Variants in MAP3K7 observed in about 807,000 individuals in gnomAD.
MAP3K7 encodes TGF-beta activated kinase 1.
Under a neutral mutation model 84.8 loss-of-function variants are expected in MAP3K7, and 21 were observed. That is an observed-to-expected ratio of 0.25 (90% CI 0.18 to 0.36). The LOEUF is 0.36. Ranked by LOEUF, MAP3K7 falls within the 10% of genes least tolerant of loss-of-function variation. The pLI, the probability that MAP3K7 is intolerant of heterozygous loss-of-function variation, is 1.00. For missense variants in MAP3K7, 503 were observed against 747.7 expected (o/e 0.67, Z 3.82); for synonymous variants, 241 against 247.7 (o/e 0.97, Z 0.25).
At position 90,560,218 on chromosome 6, in the gene MAP3K7, C is replaced by T. The variant is rs374816197; in HGVS notation, c.344-4G>A. On this transcript the variant is annotated splice_region_variant and splice_polypyrimidine_tract_variant and intron_variant, in intron 4 of 16. Transcript: ENST00000369329. Reference sequence around the variant, plus strand: ...AATGGTTCAGCACCATGCAGCACTGCGAAAGAAAGGCACAAACTAAAAAGA... The same window carrying T: ...AATGGTTCAGCACCATGCAGCACTGTGAAAGAAAGGCACAAACTAAAAAGA... 23 of 1,613,116 alleles carry T rather than the reference C, an allele frequency of 1.4e-5. No homozygotes were observed. Among genetic ancestry groups the T allele is most frequent in the South Asian group, 1.2e-4 (11 of 90,898 alleles).
chr6:90,561,732 G>T, intron 3 of MAP3K7, 65 bp from the exon 4 acceptor site: 1 of 1,095,288 alleles, frequency 9.1e-7, no homozygotes, highest in Non-Finnish European at 1.4e-6. Context: ...CTTTGAGAGA[G>T]AATTTAATTC....
Position 90,536,414 on chromosome 6 carries a change from G to GA in MAP3K7, c.1292-14dup. On this transcript the variant is annotated splice_polypyrimidine_tract_variant and intron_variant, in intron 12 of 16. Transcript: ENST00000369329. ...GGCTGTCCGTTGCCTTTAAAAAGAA[G>GA]AAAAAAAGTAAAATACTAAAATCTA... 6.2e-7 allele frequency: 1 copy of GA among 1,601,904 alleles called. No homozygotes were observed. Among genetic ancestry groups the GA allele is most frequent in the Non-Finnish European group, 8.5e-7 (1 of 1,171,528 alleles).
intron 5 of MAP3K7, among the ~76,000 whole-genome samples, chr6:90,558,278 C>A (rs938563561): frequency 1.3e-5 from 2 of 151,848 alleles, no homozygotes; most frequent in Non-Finnish European, 2.9e-5. Flanking sequence ...GCTGAGATTG[C>A]GCCACTGCAC....
intron 15 of MAP3K7, 36 bp from the exon 16 acceptor site, chr6:90,518,598 T>A: frequency 9.3e-7 from 1 of 1,080,412 alleles, no homozygotes; most frequent in Non-Finnish European, 1.4e-6. Context: ...CATAATTAAA[T>A]CAAATTTCAA....
intron 13 of MAP3K7, among the ~76,000 whole-genome samples, chr6:90,531,347 C>A (rs1446453114): frequency 7.2e-5 from 11 of 152,130 alleles, no homozygotes. Context: ...CCTCAGAAAT[C>A]TTAGTAGCTA....
At chr6:90,560,322 A>G (rs1776467989) in intron 4 of MAP3K7, 108 bp from the exon 5 acceptor site, 10 of 1,091,558 alleles carry the variant, frequency 9.2e-6, no homozygotes, top group Non-Finnish European at 1.3e-5. Context: ...TTCTACATAT[A>G]CATATGCTCC....
Position 90,523,828 on chromosome 6 carries a change from T to TA in MAP3K7, c.1357-46dup, listed in dbSNP as rs760269241. 61 of 1,160,136 alleles carry TA rather than the reference T, an allele frequency of 5.3e-5. No homozygotes were observed. In the Middle Eastern group the frequency reaches 5.8e-4, roughly 11 times the overall value. The allele number at this position is 1,160,136 out of a possible 1,614,324, so 71.9% of individuals were successfully genotyped here. On this transcript the variant is annotated intron_variant, in intron 13 of 16. Transcript: ENST00000369329. ...GAGAAACAAAATGTGATTTTTTGAT[T>TA]AAAAAAAATGACGAGAACGTTTCCA...
chr6:90,565,992 G>C (rs894751119), intron 3 of MAP3K7, among the ~76,000 whole-genome samples: 3 of 152,114 alleles, frequency 2.0e-5, no homozygotes, highest in Non-Finnish European at 4.4e-5. Context: ...ATGCAGAAAA[G>C]GGCTTTGACA....
In MAP3K7 at chr6:90,556,579, A is replaced by C; in HGVS notation, c.528T>G (p.Phe176Leu). Residue 176 changes from phenylalanine to leucine, a missense_variant, in exon 6 of 17, where the codon TTT (phenylalanine) becomes TTG (leucine). Phe to Leu is a conservative substitution (Grantham distance 22, BLOSUM62 0). Transcript: ENST00000369329. The stretch of plus-strand genomic sequence containing the variant: ...GTGTCTGAATGTCACAGGCTGTACC[A>C]AAATCACAAATTTTTAGAACTGTCC... ...AGGTVLKICD[F>L]GTACDIQTHM... The C allele has an allele frequency of 6.2e-7, 1 of 1,613,208 alleles. No individual in the cohort carries two copies. The highest frequency in any genetic ancestry group is 8.5e-7 in the Non-Finnish European group (1 of 1,179,586).
At chr6:90,570,116 A>AT (rs1776852079) in intron 2 of MAP3K7, among the ~76,000 whole-genome samples, 1 of 152,128 alleles carries the variant, frequency 6.6e-6, no homozygotes, top group Non-Finnish European at 1.5e-5. Flanking sequence ...TTATACAAGC[A>AT]TTTTTTCCTC....
chr6:90,564,040 G>A (rs957666778), intron 3 of MAP3K7, among the ~76,000 whole-genome samples: 16 of 152,132 alleles, frequency 1.1e-4, no homozygotes, highest in African/African-American at 3.9e-4. Context: ...TCACTACCAG[G>A]CCTGCTGAAC....
chr6:90,581,994 C>T (rs1226885073), intron 1 of MAP3K7, among the ~76,000 whole-genome samples: 1 of 152,180 alleles, frequency 6.6e-6, no homozygotes, highest in Non-Finnish European at 1.5e-5. Context: ...TATACAAATG[C>T]TGCAGTAATT....
chr6:90,556,373 G>C, intron 6 of MAP3K7, 127 bp downstream of exon 6: 2 of 949,120 alleles, frequency 2.1e-6, no homozygotes, highest in Non-Finnish European at 1.5e-6. Context: ...TATCCCCTTA[G>C]ATTTCATTGT....
intron 13 of MAP3K7, among the ~76,000 whole-genome samples, chr6:90,529,776 C>G (rs1775443424): frequency 1.3e-5 from 2 of 152,110 alleles, no homozygotes. Context: ...AAGTTTTACT[C>G]CTCTTCAAAA....
chr6:90,539,116 A>C (rs887185390), intron 12 of MAP3K7, among the ~76,000 whole-genome samples: 4 of 151,930 alleles, frequency 2.6e-5, no homozygotes, highest in Admixed American at 2.6e-4. Context: ...TGAACATGTA[A>C]TTTTAAAATA....
chr6:90,575,662 C>T (rs1427622874), intron 1 of MAP3K7, among the ~76,000 whole-genome samples: 1 of 151,996 alleles, frequency 6.6e-6, no homozygotes, highest in East Asian at 1.9e-4. Flanking sequence ...CATTAGAGGT[C>T]TGTGGGATGG....
At chr6:90,538,822 C>T (rs1046763124) in intron 12 of MAP3K7, among the ~76,000 whole-genome samples, 7 of 151,856 alleles carry the variant, frequency 4.6e-5, no homozygotes, top group Admixed American at 2.0e-4. Flanking sequence ...AGGTCCCAGA[C>T]AGCCACTCCT....
chr6:90,548,201 G>T, intron 9 of MAP3K7, 24 bp from the exon 10 acceptor site: 2 of 1,591,014 alleles, frequency 1.3e-6, no homozygotes, highest in South Asian at 1.1e-5. Flanking sequence ...AAACATTTAT[G>T]ACTAATGGCT....
intron 3 of MAP3K7, among the ~76,000 whole-genome samples, chr6:90,568,222 A>G (rs1582228222): frequency 6.6e-6 from 1 of 152,296 alleles, no homozygotes; most frequent in East Asian, 1.9e-4. Context: ...ATAAAAAAAG[A>G]TATCAAAAAC....
Sources: gnomAD v4.1 joint callset for allele counts (sites outside exome capture counted in the v4.1 genomes callset) on GRCh38, gnomAD v4.1.1 for gene constraint, MANE v1.5 for transcripts, NCBI Gene and HGNC (gene_info 2026-07-23, HGNC 2026-07-21) for gene names.